The following FCF1 variants were observed in gnomAD, a reference collection of about 807,000 sequenced individuals.
FCF1 encodes the protein FCF1 rRNA-processing protein.
In FCF1, 17 loss-of-function variants were observed where a neutral mutation model predicts 32.5. That is an observed-to-expected ratio of 0.52 (90% confidence interval 0.36 to 0.78). The LOEUF (loss-of-function observed/expected upper bound fraction) is 0.78. Ranked by LOEUF, FCF1 falls within the 30% of genes least tolerant of loss-of-function variation. FCF1 has a pLI of 0.00. For synonymous variants in FCF1, 84 were observed against 78.4 expected (o/e 1.07, Z -0.38); for missense variants, 201 against 241.1 (o/e 0.83, Z 1.10).
At chr14:74,715,788 T>G in intron 3 of FCF1, 163 bp from the exon 4 acceptor site, 3 of 1,518,256 alleles carry the variant, frequency 2.0e-6, no homozygotes, top group Non-Finnish European at 1.8e-6. Flanking sequence ...ATTAAGATAA[T>G]GATATTACTT....
At chr14:74,714,993 GA>G in intron 3 of FCF1, 50 bp downstream of exon 3, 1 of 1,533,918 alleles carries the variant, frequency 6.5e-7, no homozygotes, top group East Asian at 2.3e-5. Context: ...AGACCTCTTA[GA>G]AATCCAGGCT....
chr14:74,720,651 T>A (rs374344383), intron 4 of FCF1, among the ~76,000 whole-genome samples: 1 of 152,158 alleles, frequency 6.6e-6, no homozygotes, highest in East Asian at 1.9e-4. Flanking sequence ...TAAATGGGCC[T>A]CATTCTTTTA....
chr14:74,725,069 TA>T (rs34861456), intron 5 of FCF1, among the ~76,000 whole-genome samples: 290 of 146,632 alleles, frequency 2.0e-3, no homozygotes, highest in South Asian at 3.6e-3. Context: ...TGGGTTCTGG[TA>T]AAAAAAAAAA....
At chr14:74,726,233 C>A (rs2090576374) in intron 5 of FCF1, among the ~76,000 whole-genome samples, 1 of 151,776 alleles carries the variant, frequency 6.6e-6, no homozygotes, top group Non-Finnish European at 1.5e-5. Context: ...CTCCTGTAAT[C>A]CCAGCAGTAT....
intron 4 of FCF1, among the ~76,000 whole-genome samples, chr14:74,718,598 C>T (rs368184334): frequency 2.7e-4 from 41 of 152,098 alleles, no homozygotes; most frequent in African/African-American, 8.4e-4. Flanking sequence ...CTCAGCCTCC[C>T]GAGTAGCTGG....
rs973988559 is a variant in FCF1 at position 74,736,582 on chromosome 14, A to G, written c.*1652A>G. The G allele has an allele frequency of 2.0e-5, 3 of 152,234 alleles. No individual in the cohort carries two copies. The highest frequency in any genetic ancestry group is 6.5e-5 in the Admixed American group (1 of 15,282). 9.4% of individuals were successfully genotyped at this position (152,234 alleles called of 1,614,324 possible). ...CACAGAAATGTATTTGAAGTATTGC[A>G]TATGTTAACTAGCTTGATTTAACTA... On this transcript the variant is annotated 3_prime_UTR_variant, in exon 8 of 8. Coordinates refer to ENST00000341162, the MANE Select transcript of FCF1 (RefSeq NM_015962.5).
chr14:74,716,198 T>A (rs2090417262), intron 4 of FCF1, 99 bp downstream of exon 4: 1 of 1,140,208 alleles, frequency 8.8e-7, no homozygotes. Flanking sequence ...GTTAACTGAA[T>A]TGCTGGCCAT....
At chr14:74,721,467 G>A (rs1048138897) in intron 4 of FCF1, among the ~76,000 whole-genome samples, 29 of 152,112 alleles carry the variant, frequency 1.9e-4, no homozygotes, top group African/African-American at 2.4e-5. Context: ...TTGGGAGTTC[G>A]AGGCAGGTGG....
At chr14:74,729,539 G>T (rs7155783) in intron 5 of FCF1, among the ~76,000 whole-genome samples, 4,443 of 151,790 alleles carry the variant, frequency 0.029, 141 homozygotes, top group African/African-American at 0.079. Flanking sequence ...TTTGTTGATC[G>T]TTTCAAAAAA....
At chr14:74,713,936 G>A (rs949452344) in intron 2 of FCF1, among the ~76,000 whole-genome samples, 35 of 152,286 alleles carry the variant, frequency 2.3e-4, no homozygotes, top group African/African-American at 8.4e-4. Context: ...GACCTTGTTT[G>A]TCTGGCGTTT....
chr14:74,729,175 T>C (rs1393478594), intron 5 of FCF1, among the ~76,000 whole-genome samples: 1 of 152,204 alleles, frequency 6.6e-6, no homozygotes, highest in Non-Finnish European at 1.5e-5. Context: ...TCAGAAGGAA[T>C]GGTACCAGTT....
intron 7 of FCF1, 62 bp downstream of exon 7, chr14:74,734,232 G>T (rs578188177): frequency 1.1e-6 from 1 of 921,692 alleles, no homozygotes; most frequent in Admixed American, 1.9e-5. Context: ...TGAAAATGAG[G>T]ATAAGTGATA....
chr14:74,723,204 C>A, intron 4 of FCF1, 68 bp from the exon 5 acceptor site: 3 of 1,134,932 alleles, frequency 2.6e-6, no homozygotes, highest in Non-Finnish European at 4.0e-6. Context: ...AAACTCTGAG[C>A]AGGGATATAA....
At position 74,713,384 on chromosome 14, in the gene FCF1, A is replaced by G. The variant is rs2090360174; in HGVS notation, c.4-101A>G. 1.9e-6 allele frequency: 3 copies of G among 1,540,584 alleles called. No individual in the cohort carries two copies. The South Asian group carries it at 3.4e-5, about 18-fold the overall frequency. On this transcript the variant is annotated intron_variant, in intron 1 of 7. Transcript: ENST00000341162. Reference sequence around the variant, plus strand: ...CAGAGTGGGGAAGAGGGTCTGGGTTATTTGAGGCAAGAAGGGAAGGCAATA... The same window carrying G: ...CAGAGTGGGGAAGAGGGTCTGGGTTGTTTGAGGCAAGAAGGGAAGGCAATA...
At chr14:74,714,743 T>G in intron 2 of FCF1, 129 bp from the exon 3 acceptor site, 10 of 1,239,832 alleles carry the variant, frequency 8.1e-6, no homozygotes, top group South Asian at 1.5e-5. Context: ...GATATTAACA[T>G]GAGGATATCA....
chr14:74,721,211 ATT>A (rs1213703341), intron 4 of FCF1, among the ~76,000 whole-genome samples: 1 of 151,276 alleles, frequency 6.6e-6, no homozygotes, highest in Non-Finnish European at 1.5e-5. Context: ...CGCCCAGCTA[ATT>A]TTTTTGTATT....
chr14:74,723,111 G>A (rs1594785855), intron 4 of FCF1, among the ~76,000 whole-genome samples, 161 bp from the exon 5 acceptor site: 1 of 152,096 alleles, frequency 6.6e-6, no homozygotes, highest in Admixed American at 6.6e-5. Flanking sequence ...TAGTTTCTTA[G>A]GGTTTTCTTC....
At chr14:74,728,536 A>G (rs1224348081) in intron 5 of FCF1, among the ~76,000 whole-genome samples, 2 of 152,240 alleles carry the variant, frequency 1.3e-5, no homozygotes, top group Non-Finnish European at 2.9e-5. Context: ...ATATACAATC[A>G]TGTCGTCTGC....
chr14:74,723,162 C>A, intron 4 of FCF1, 110 bp from the exon 5 acceptor site: 1 of 739,582 alleles, frequency 1.4e-6, no homozygotes, highest in Non-Finnish European at 2.4e-6. Context: ...GCTAATTCTG[C>A]TGTCATTGCA....
Sources: gnomAD v4.1 joint callset for allele counts (sites outside exome capture counted in the v4.1 genomes callset) on GRCh38, gnomAD v4.1.1 for gene constraint, MANE v1.5 for transcripts, NCBI Gene and HGNC (gene_info 2026-07-23, HGNC 2026-07-21) for gene names.